The following ADAM10 variants were observed in gnomAD, a reference collection of about 807,000 sequenced individuals.
The protein encoded by ADAM10 is disintegrin and metalloproteinase domain-containing protein 10.
A neutral mutation model predicts 90.1 loss-of-function variants in ADAM10; 17 were observed. That is an observed-to-expected ratio of 0.19 (90% CI 0.13 to 0.28). The LOEUF (loss-of-function observed/expected upper bound fraction) is 0.28. Ranked by LOEUF, ADAM10 falls within the 10% of genes least tolerant of loss-of-function variation. The pLI is 1.00. For missense variants in ADAM10, 610 were observed against 914.3 expected, an observed-to-expected ratio of 0.67 and a Z score of 4.29; for synonymous variants, 310 against 298.6, an observed-to-expected ratio of 1.04 and a Z score of -0.40.
chr15:58,669,354 A>G (rs1481697124), intron 4 of ADAM10, among the ~76,000 whole-genome samples: 4 of 152,190 alleles, frequency 2.6e-5, no homozygotes, highest in African/African-American at 9.6e-5. Flanking sequence ...ATGATCAATG[A>G]CCAGTAAACC....
intron 1 of ADAM10, among the ~76,000 whole-genome samples, chr15:58,745,446 A>T (rs1899759882): frequency 6.6e-6 from 1 of 152,208 alleles, no homozygotes; most frequent in South Asian, 2.1e-4. Flanking sequence ...CATTTAGATA[A>T]AGAAATGTGG....
chr15:58,728,045 T>G (rs527947380), intron 1 of ADAM10, among the ~76,000 whole-genome samples: 1 of 152,232 alleles, frequency 6.6e-6, no homozygotes, highest in Non-Finnish European at 1.5e-5. Context: ...AGAATATATT[T>G]CTTTTTAAGG....
At chr15:58,664,061 A>G (rs1407952512) in intron 5 of ADAM10, among the ~76,000 whole-genome samples, 2 of 152,032 alleles carry the variant, frequency 1.3e-5, no homozygotes, top group African/African-American at 4.8e-5. Context: ...CTCTACCCTC[A>G]TGTTAAAAAT....
chr15:58,600,344 CTT>C (rs1895074683), intron 14 of ADAM10, among the ~76,000 whole-genome samples: 1 of 152,168 alleles, frequency 6.6e-6, no homozygotes, highest in Non-Finnish European at 1.5e-5. Context: ...AAAAATTACT[CTT>C]TAACCTACAT....
chr15:58,658,011 G>C (rs1896874717), intron 5 of ADAM10, among the ~76,000 whole-genome samples: 1 of 150,888 alleles, frequency 6.6e-6, no homozygotes, highest in Admixed American at 6.6e-5. Context: ...TCTTAACTAT[G>C]TTTTTTGAGG....
rs1394312803 is a variant in ADAM10, at chr15:58,621,518, A to G, written c.1464T>C (p.Asn488=). ...GTTTGCATTTTCTTCCCTCTGGTTG[A>G]TTTGCATCGAAGCAGCATTCATCTT... ...QCKDECCFDA[N]QPEGRKCKLK... The change falls in exon 11 of 16, where the codon AAT becomes AAC. Residue 488 remains asparagine (N), a synonymous_variant. Transcript: ENST00000260408. 1 of 1,614,090 alleles carries G rather than the reference A, an allele frequency of 6.2e-7. No homozygotes were observed. The highest frequency in any genetic ancestry group is 1.7e-5 in the Admixed American group (1 of 60,022).
intron 9 of ADAM10, among the ~76,000 whole-genome samples, chr15:58,630,884 A>C (rs954777234): frequency 4.6e-5 from 7 of 152,174 alleles, no homozygotes; most frequent in Admixed American, 6.5e-5. Flanking sequence ...ATTTGATCCC[A>C]AAGTTGTTAG....
intron 5 of ADAM10, among the ~76,000 whole-genome samples, chr15:58,656,484 A>G (rs1896832443): frequency 6.6e-6 from 1 of 152,012 alleles, no homozygotes; most frequent in African/African-American, 2.4e-5. Context: ...TATCTATCAT[A>G]TGTTTTTTGA....
chr15:58,731,734 G>A (rs983944660), intron 1 of ADAM10, among the ~76,000 whole-genome samples: 3 of 152,338 alleles, frequency 2.0e-5, no homozygotes, highest in Non-Finnish European at 4.4e-5. Flanking sequence ...CTGGTATGGA[G>A]TGGAGGATGA....
At chr15:58,691,239 A>G (rs781751736) in intron 2 of ADAM10, 2 of 936,146 alleles carry the variant, frequency 2.1e-6, no homozygotes, top group Non-Finnish European at 3.5e-6. Context: ...GCTCTCCTCC[A>G]TTATCTTCTT....
intron 4 of ADAM10, among the ~76,000 whole-genome samples, chr15:58,674,998 C>T (rs537402621): frequency 9.2e-5 from 14 of 152,318 alleles, no homozygotes; most frequent in African/African-American, 3.4e-4. Flanking sequence ...GAGATCGAGA[C>T]CATCCTGGCC....
intron 1 of ADAM10, among the ~76,000 whole-genome samples, chr15:58,729,935 G>A (rs911694733): frequency 7.0e-6 from 1 of 142,162 alleles, no homozygotes; most frequent in Non-Finnish European, 1.5e-5. Context: ...GTACTCCAGC[G>A]TAAGCAACAG....
Position 58,591,259 on chromosome 15 carries a change from C to A in ADAM10, c.*6288G>T, listed in dbSNP as rs543030030. 4 of 152,106 alleles carry A rather than the reference C, an allele frequency of 2.6e-5. No homozygotes were observed. The highest frequency in any genetic ancestry group is 5.9e-5 in the Non-Finnish European group (4 of 68,010). 9.4% of individuals were successfully genotyped at this position (152,106 alleles called of 1,614,324 possible). On this transcript the variant is annotated 3_prime_UTR_variant, in exon 16 of 16. Transcript: ENST00000260408. ...TAGCAGTTGAAATCAATTAATTATT[C>A]ATTGTAACTGGAGCAGAATATAATT...
intron 2 of ADAM10, among the ~76,000 whole-genome samples, chr15:58,699,851 A>G (rs1898082400): frequency 6.6e-6 from 1 of 152,156 alleles, no homozygotes; most frequent in Admixed American, 6.6e-5. Flanking sequence ...GCGCTCACAT[A>G]CCAGTAATAA....
chr15:58,711,380 A>C (rs1312257270), intron 2 of ADAM10, among the ~76,000 whole-genome samples: 1 of 152,208 alleles, frequency 6.6e-6, no homozygotes. Context: ...TTAAAGCATA[A>C]AGGAGCTTAA....
At chr15:58,668,822 GT>G (rs1287559606) in intron 4 of ADAM10, among the ~76,000 whole-genome samples, 1 of 152,070 alleles carries the variant, frequency 6.6e-6, no homozygotes, top group African/African-American at 2.4e-5. Context: ...CAGCCAGTAT[GT>G]GGTTTCTATG....
intron 8 of ADAM10, among the ~76,000 whole-genome samples, chr15:58,638,748 A>T (rs1896338270): frequency 6.6e-6 from 1 of 152,078 alleles, no homozygotes; most frequent in South Asian, 2.1e-4. Context: ...AGACATAAAC[A>T]CTGAGTGTCC....
Position 58,593,148 on chromosome 15 carries a change from A to AAT in ADAM10, c.*4397_*4398dup, listed in dbSNP as rs746199762. ...AAAAGTAACAAAGGCCAGGTACTCAAATTTTTTTTTTTTTTTTTTTTTTTT... is the reference window on the plus strand; with the variant it reads ...AAAAGTAACAAAGGCCAGGTACTCAAATATTTTTTTTTTTTTTTTTTTTTTTT... On this transcript the variant is annotated 3_prime_UTR_variant, in exon 16 of 16. Transcript: ENST00000260408. The AAT allele has an allele frequency of 9.0e-6, 1 of 110,582 alleles. No homozygotes were observed. The highest frequency in any genetic ancestry group is 3.8e-4 in the South Asian group (1 of 2,602). The allele number at this position is 110,582 out of a possible 1,614,324, so 6.9% of individuals were successfully genotyped here.
At chr15:58,729,949 G>A (rs1365116345) in intron 1 of ADAM10, among the ~76,000 whole-genome samples, 8 of 143,624 alleles carry the variant, frequency 5.6e-5, no homozygotes, top group East Asian at 2.2e-4. Context: ...GCAACAGAAC[G>A]AGGCTCTGTA....
Sources: gnomAD v4.1 joint callset for allele counts (sites outside exome capture counted in the v4.1 genomes callset) on GRCh38, gnomAD v4.1.1 for gene constraint, MANE v1.5 for transcripts, NCBI Gene and HGNC (gene_info 2026-07-23, HGNC 2026-07-21) for gene names.